Variants in TENM3 observed in about 807,000 individuals in gnomAD.
TENM3 encodes teneurin-3.
A neutral mutation model predicts 255.1 loss-of-function variants in TENM3; 63 were observed. That is an observed-to-expected ratio of 0.25 (90% CI 0.20 to 0.30). The LOEUF (loss-of-function observed/expected upper bound fraction) is 0.30, where lower values mean the gene tolerates loss of function less well. Ranked by LOEUF, TENM3 falls within the 10% of genes least tolerant of loss-of-function variation. TENM3 has a pLI of 1.00. For synonymous variants in TENM3, 1,306 were observed against 1,322.3 expected, an observed-to-expected ratio of 0.99 and a Z score of 0.27; for missense variants, 2,929 against 3,461.1, an observed-to-expected ratio of 0.85 and a Z score of 3.86.
the TENM3 span, among the ~76,000 whole-genome samples, chr4:181,814,204 A>G: frequency 1.3e-5 from 2 of 152,210 alleles, no homozygotes; most frequent in Non-Finnish European, 2.9e-5. Flanking sequence ...TACTAGACAC[A>G]TGTAAAACAA....
At chr4:182,522,839 G>T (rs188844871) in intron 3 of TENM3, among the ~76,000 whole-genome samples, 1 of 152,294 alleles carries the variant, frequency 6.6e-6, no homozygotes, top group East Asian at 1.9e-4. Flanking sequence ...GGATCATATG[G>T]TAGTTCTATT....
chr4:182,275,095 G>A (rs1759911581), intron 1 of TENM3, among the ~76,000 whole-genome samples: 1 of 152,160 alleles, frequency 6.6e-6, no homozygotes, highest in Non-Finnish European at 1.5e-5. Context: ...AGCGTGCTGG[G>A]ATTATAGGCT....
At chr4:182,273,474 C>G (rs555547699) in intron 1 of TENM3, among the ~76,000 whole-genome samples, 1 of 152,304 alleles carries the variant, frequency 6.6e-6, no homozygotes, top group East Asian at 1.9e-4. Flanking sequence ...GCGAGCTATT[C>G]TTTACTCTTG....
At chr4:182,627,305 A>G (rs551466621) in intron 4 of TENM3, among the ~76,000 whole-genome samples, 1 of 152,278 alleles carries the variant, frequency 6.6e-6, no homozygotes, top group African/African-American at 2.4e-5. Context: ...CATTTTATAC[A>G]TTAAGAAACC....
chr4:181,806,508 G>A, the TENM3 span, among the ~76,000 whole-genome samples: 2 of 152,210 alleles, frequency 1.3e-5, no homozygotes, highest in Admixed American at 1.3e-4. Flanking sequence ...AGGTGATTGG[G>A]CCATGAATGC....
the TENM3 span, among the ~76,000 whole-genome samples, chr4:181,707,151 T>C: frequency 3.9e-5 from 6 of 152,184 alleles, no homozygotes; most frequent in African/African-American, 1.4e-4. Context: ...TTTTTCTACC[T>C]TTCTGGCTGG....
At chr4:181,767,172 A>G in the TENM3 span, among the ~76,000 whole-genome samples, 1 of 149,308 alleles carries the variant, frequency 6.7e-6, no homozygotes, top group Non-Finnish European at 1.5e-5. Flanking sequence ...GAATGGCGTG[A>G]ACCCGGGAGG....
At chr4:181,745,325 A>T in the TENM3 span, among the ~76,000 whole-genome samples, 1 of 152,156 alleles carries the variant, frequency 6.6e-6, no homozygotes, top group Non-Finnish European at 1.5e-5. Flanking sequence ...GAGGAGAGAA[A>T]TTGGGAAATG....
intron 1 of TENM3, among the ~76,000 whole-genome samples, chr4:182,179,674 G>A (rs941213871): frequency 6.6e-6 from 1 of 152,136 alleles, no homozygotes; most frequent in Admixed American, 6.5e-5. Context: ...CCCTCTCACG[G>A]AACACATTTA....
At chr4:181,981,989 G>A in the TENM3 span, among the ~76,000 whole-genome samples, 1 of 152,114 alleles carries the variant, frequency 6.6e-6, no homozygotes, top group Non-Finnish European at 1.5e-5. Flanking sequence ...TACGTGGGAA[G>A]TGAATGTTTG....
At chr4:181,865,759 C>T in the TENM3 span, among the ~76,000 whole-genome samples, 2 of 152,048 alleles carry the variant, frequency 1.3e-5, no homozygotes, top group Non-Finnish European at 2.9e-5. Context: ...AGGTTTGTAG[C>T]GCTTTAGAAA....
intron 1 of TENM3, among the ~76,000 whole-genome samples, chr4:182,192,874 A>G (rs1753607181): frequency 6.6e-6 from 1 of 152,224 alleles, no homozygotes; most frequent in Non-Finnish European, 1.5e-5. Flanking sequence ...TTTCTTCTGC[A>G]TGCCAGCCAC....
At chr4:182,389,493 T>G (rs1242082181) in intron 3 of TENM3, among the ~76,000 whole-genome samples, 1 of 151,992 alleles carries the variant, frequency 6.6e-6, no homozygotes, top group Admixed American at 6.6e-5. Flanking sequence ...TTACATATAA[T>G]TACTTTAAAA....
the TENM3 span, among the ~76,000 whole-genome samples, chr4:181,818,685 C>T: frequency 9.9e-4 from 149 of 151,086 alleles, 2 homozygotes; most frequent in African/African-American, 3.5e-3. Flanking sequence ...TCTCAACTCA[C>T]TGCAACCTCT....
chr4:181,947,195 T>C, the TENM3 span, among the ~76,000 whole-genome samples: 3 of 152,224 alleles, frequency 2.0e-5, no homozygotes, highest in Non-Finnish European at 4.4e-5. Context: ...ACAGTGTATG[T>C]AAACACACTT....
chr4:182,015,821 A>G, the TENM3 span, among the ~76,000 whole-genome samples: 3 of 152,162 alleles, frequency 2.0e-5, no homozygotes, highest in African/African-American at 7.2e-5. Context: ...GGCTGGGATT[A>G]CAGGCGTGAG....
intron 1 of TENM3, among the ~76,000 whole-genome samples, chr4:182,262,110 A>AGAG (rs1758837331): frequency 1.3e-5 from 2 of 152,236 alleles, no homozygotes. Flanking sequence ...GTGAAGATAA[A>AGAG]TAAGGAAGAA....
intron 3 of TENM3, among the ~76,000 whole-genome samples, chr4:182,514,434 GTT>G (rs1460173621): frequency 6.6e-6 from 1 of 152,168 alleles, no homozygotes; most frequent in African/African-American, 2.4e-5. Flanking sequence ...AACCTGCAGA[GTT>G]TAGGTGCCTG....
the TENM3 span, among the ~76,000 whole-genome samples, chr4:181,487,869 C>A: frequency 6.6e-6 from 1 of 152,122 alleles, no homozygotes; most frequent in Non-Finnish European, 1.5e-5. Flanking sequence ...ACACTGCTAG[C>A]AGGACCTGCC....
Sources: allele counts gnomAD v4.1 joint callset (sites outside exome capture counted in the v4.1 genomes callset), GRCh38; gene constraint gnomAD v4.1.1; transcripts MANE v1.5; gene names NCBI Gene and HGNC (gene_info 2026-07-23, HGNC 2026-07-21).